The following MCC variants were observed in gnomAD, a reference collection of about 807,000 sequenced individuals.
The protein encoded by MCC is colorectal mutant cancer protein.
Under a neutral mutation model 116.2 loss-of-function variants are expected in MCC, and 90 were observed. That is an observed-to-expected ratio of 0.77 (90% CI 0.65 to 0.92). MCC has a LOEUF of 0.92. Among genes scored for constraint, MCC ranks in the 40% least tolerant of loss-of-function variants. The probability of loss-of-function intolerance (pLI) is 0.00; values close to 1 mark genes in which losing one functional copy is unlikely to be tolerated. For synonymous variants in MCC, 578 were observed against 510.5 expected (o/e 1.13, Z -1.78); for missense variants, 1,516 against 1,312.2 (o/e 1.16, Z -2.40).
At chr5:113,187,137 T>A (rs1273925108) in intron 3 of MCC, among the ~76,000 whole-genome samples, 2 of 152,176 alleles carry the variant, frequency 1.3e-5, no homozygotes, top group Non-Finnish European at 2.9e-5. Flanking sequence ...TAGTTTATCC[T>A]CCACTCCTCA....
At chr5:113,280,638 A>C (rs913532199) in intron 3 of MCC, among the ~76,000 whole-genome samples, 19 of 152,178 alleles carry the variant, frequency 1.2e-4, no homozygotes, top group Admixed American at 1.0e-3. Context: ...AGTTGGTGTC[A>C]CCAGATGGAG....
intron 3 of MCC, among the ~76,000 whole-genome samples, chr5:113,307,109 C>G (rs1385357297): frequency 6.6e-6 from 1 of 152,166 alleles, no homozygotes; most frequent in Non-Finnish European, 1.5e-5. Context: ...CAACTTTGTT[C>G]TTCTTCAGGG....
At chr5:113,442,708 T>C (rs1771077938) in intron 1 of MCC, among the ~76,000 whole-genome samples, 1 of 152,256 alleles carries the variant, frequency 6.6e-6, no homozygotes, top group African/African-American at 2.4e-5. Flanking sequence ...GTTTCAGTTT[T>C]CTGCATATGG....
chr5:113,130,163 G>C (rs1581122655), intron 5 of MCC, among the ~76,000 whole-genome samples: 1 of 152,124 alleles, frequency 6.6e-6, no homozygotes, highest in Non-Finnish European at 1.5e-5. Flanking sequence ...CCATAAAAAA[G>C]AATTGAGTTC....
chr5:113,038,730 A>T (rs1291992351), intron 17 of MCC, among the ~76,000 whole-genome samples: 1 of 151,908 alleles, frequency 6.6e-6, no homozygotes, highest in African/African-American at 2.4e-5. Flanking sequence ...CTGCCACTGG[A>T]TATATCCTTA....
intron 3 of MCC, among the ~76,000 whole-genome samples, chr5:113,269,903 A>G (rs1414481112): frequency 6.6e-6 from 1 of 152,216 alleles, no homozygotes; most frequent in Non-Finnish European, 1.5e-5. Flanking sequence ...AGCACCCAAC[A>G]TAACTGCATA....
intron 12 of MCC, 48 bp downstream of exon 12, chr5:113,071,046 A>ATGC (rs761590638): frequency 6.3e-7 from 1 of 1,578,866 alleles, no homozygotes; most frequent in East Asian, 2.3e-5. Flanking sequence ...GTTACTCTGG[A>ATGC]TGCACTTCTA....
chr5:113,348,861 T>C (rs1768196951), intron 2 of MCC, among the ~76,000 whole-genome samples: 1 of 150,432 alleles, frequency 6.6e-6, no homozygotes, highest in African/African-American at 2.4e-5. Flanking sequence ...ATATCAGAGG[T>C]GAAAAAGGAA....
chr5:113,394,963 T>C (rs1769487941), intron 1 of MCC, among the ~76,000 whole-genome samples: 1 of 152,206 alleles, frequency 6.6e-6, no homozygotes, highest in Non-Finnish European at 1.5e-5. Context: ...AGTTGAATCA[T>C]TGTGACAGAG....
At chr5:113,101,678 C>G in intron 8 of MCC, 61 bp downstream of exon 8, 1 of 1,571,124 alleles carries the variant, frequency 6.4e-7, no homozygotes, top group Non-Finnish European at 8.7e-7. Context: ...GTGCTATACA[C>G]CAGCCTCTCT....
intron 3 of MCC, among the ~76,000 whole-genome samples, chr5:113,246,043 T>C (rs1764562314): frequency 6.6e-6 from 1 of 152,110 alleles, no homozygotes; most frequent in African/African-American, 2.4e-5. Flanking sequence ...GAGGGGAAGA[T>C]GGGGAACAAA....
chr5:113,089,686 C>T (rs7714160), intron 8 of MCC, among the ~76,000 whole-genome samples: 69,487 of 151,986 alleles, frequency 0.46, 17,442 homozygotes, highest in African/African-American at 0.68. Context: ...ACTCAAGGAA[C>T]TGAATTTTTA....
intron 3 of MCC, chr5:113,204,686 G>A (rs1762834486): frequency 6.6e-6 from 1 of 152,214 alleles, no homozygotes; most frequent in Non-Finnish European, 1.5e-5. Context: ...GAAACCAGGA[G>A]AAATTGTGCA....
At chr5:113,288,040 C>A (rs1012497958) in intron 3 of MCC, among the ~76,000 whole-genome samples, 1 of 152,222 alleles carries the variant, frequency 6.6e-6, no homozygotes, top group Non-Finnish European at 1.5e-5. Context: ...TGTCTTCCAC[C>A]TGGTTCCAGC....
At chr5:113,439,360 G>GAGACACACA (rs1561573446) in intron 1 of MCC, among the ~76,000 whole-genome samples, 2 of 152,106 alleles carry the variant, frequency 1.3e-5, no homozygotes, top group Non-Finnish European at 2.9e-5. Context: ...TGAGACACAC[G>GAGACACACA]AGGCCTTGAA....
chr5:113,133,629 T>G (rs539519500), intron 5 of MCC, among the ~76,000 whole-genome samples: 1 of 152,336 alleles, frequency 6.6e-6, no homozygotes, highest in Admixed American at 6.5e-5. Context: ...TCTTTTCTTT[T>G]GGATATATAC....
intron 3 of MCC, among the ~76,000 whole-genome samples, chr5:113,219,932 C>A (rs1431430572): frequency 6.6e-6 from 1 of 151,928 alleles, no homozygotes; most frequent in African/African-American, 2.4e-5. Context: ...TCCTCCCGGT[C>A]AGTGCCAACC....
At chr5:113,322,533 A>G (rs1767444979) in intron 3 of MCC, among the ~76,000 whole-genome samples, 1 of 152,234 alleles carries the variant, frequency 6.6e-6, no homozygotes, top group South Asian at 2.1e-4. Flanking sequence ...TTCATTAAAT[A>G]AAGAGAAAAT....
intron 3 of MCC, among the ~76,000 whole-genome samples, chr5:113,179,223 C>G (rs1203761594): frequency 1.3e-5 from 2 of 152,202 alleles, no homozygotes; most frequent in Non-Finnish European, 2.9e-5. Context: ...ATCTTATGAA[C>G]AGTACCACAG....
Sources: gnomAD v4.1 joint callset for allele counts (sites outside exome capture counted in the v4.1 genomes callset) on GRCh38, gnomAD v4.1.1 for gene constraint, MANE v1.5 for transcripts, NCBI Gene and HGNC (gene_info 2026-07-23, HGNC 2026-07-21) for gene names.